The following FAM117A variants were observed in gnomAD, a reference collection of about 807,000 sequenced individuals.
The protein encoded by FAM117A is protein FAM117A.
A neutral mutation model predicts 44.1 loss-of-function variants in FAM117A; 21 were observed. The ratio of observed to expected loss-of-function variants is 0.48; its 90% confidence interval spans 0.34 to 0.69. FAM117A has a LOEUF of 0.69. Among genes scored for constraint, FAM117A ranks in the 30% least tolerant of loss-of-function variants. The pLI is 0.01. For missense variants in FAM117A, 498 were observed against 589.9 expected (o/e 0.84, Z 1.61); for synonymous variants, 220 against 238.3 (o/e 0.92, Z 0.71).
intron 1 of FAM117A, among the ~76,000 whole-genome samples, chr17:49,778,347 C>G (rs970814400): frequency 1.3e-5 from 2 of 152,188 alleles, no homozygotes; most frequent in Non-Finnish European, 2.9e-5. Flanking sequence ...CACATGGTCC[C>G]TCCTCTGGAG....
At chr17:49,752,665 G>C (rs572969634) in intron 1 of FAM117A, among the ~76,000 whole-genome samples, 3 of 152,192 alleles carry the variant, frequency 2.0e-5, no homozygotes, top group African/African-American at 7.2e-5. Flanking sequence ...TCCCTGGTTA[G>C]CCACTCATTC....
upstream of FAM117A, among the ~76,000 whole-genome samples, chr17:49,767,910 AT>A (rs980556599): frequency 2.6e-4 from 39 of 150,358 alleles, no homozygotes; most frequent in Admixed American, 1.3e-3. Flanking sequence ...AAAAATAATA[AT>A]AAAAAAAAAA....
intron 7 of FAM117A, 28 bp downstream of exon 7, chr17:49,716,137 C>T (rs756152412): frequency 1.3e-6 from 2 of 1,591,100 alleles, no homozygotes; most frequent in African/African-American, 1.3e-5. Context: ...CCCTCCCCTC[C>T]CACACCCTGT....
At chr17:49,742,016 C>G (rs1382417336) in intron 1 of FAM117A, among the ~76,000 whole-genome samples, 5 of 152,180 alleles carry the variant, frequency 3.3e-5, no homozygotes. Flanking sequence ...CTTTAAACAA[C>G]ACTTCTTTCA....
chr17:49,731,053 A>C (rs1211027073), intron 2 of FAM117A, among the ~76,000 whole-genome samples: 1 of 152,230 alleles, frequency 6.6e-6, no homozygotes, highest in Non-Finnish European at 1.5e-5. Flanking sequence ...CAAGAACAGT[A>C]CTGGGCATTC....
At chr17:49,741,078 C>G (rs2073632376) in intron 1 of FAM117A, among the ~76,000 whole-genome samples, 1 of 152,030 alleles carries the variant, frequency 6.6e-6, no homozygotes, top group Non-Finnish European at 1.5e-5. Context: ...AAAGACAGGG[C>G]TACTCTCCAC....
At chr17:49,762,957 A>G (rs1272902727) in intron 1 of FAM117A, among the ~76,000 whole-genome samples, 1 of 152,178 alleles carries the variant, frequency 6.6e-6, no homozygotes, top group African/African-American at 2.4e-5. Flanking sequence ...AACCCATTTC[A>G]GTGCTGTTCA....
At chr17:49,740,948 A>C (rs2073631882) in intron 1 of FAM117A, among the ~76,000 whole-genome samples, 1 of 152,132 alleles carries the variant, frequency 6.6e-6, no homozygotes, top group East Asian at 1.9e-4. Flanking sequence ...TGTGGGGTAG[A>C]GGCTTAGCAC....
intron 1 of FAM117A, among the ~76,000 whole-genome samples, chr17:49,774,462 C>T (rs1245385586): frequency 6.6e-6 from 1 of 151,146 alleles, no homozygotes; most frequent in South Asian, 2.1e-4. Flanking sequence ...TGGGTTCAAG[C>T]GATTCTCCTG....
intron 1 of FAM117A, among the ~76,000 whole-genome samples, chr17:49,777,659 T>C (rs935520401): frequency 2.2e-4 from 34 of 152,140 alleles, no homozygotes; most frequent in Admixed American, 2.2e-3. Context: ...TCCCTTCTTA[T>C]GGGGCCAGGG....
rs138561290 is a variant in FAM117A, at chr17:49,722,424, G to A, written c.462+75C>T. ...GTGAGCAGTGTGACGCCACCATGGA[G>A]CAGATGCATTGCATGGTACTAGGGG... On this transcript the variant is annotated intron_variant, in intron 3 of 7. Coordinates refer to ENST00000240364, the MANE Select transcript of FAM117A (RefSeq NM_030802.4). 8.2e-5 allele frequency: 97 copies of A among 1,181,344 alleles called. No individual in the cohort carries two copies. In the African/African-American group the frequency reaches 1.3e-3, roughly 15 times the overall value. The allele number at this position is 1,181,344 out of a possible 1,614,324, so 73.2% of individuals were successfully genotyped here.
intron 1 of FAM117A, among the ~76,000 whole-genome samples, chr17:49,785,409 G>A (rs1003768694): frequency 1.3e-5 from 2 of 152,210 alleles, no homozygotes; most frequent in African/African-American, 4.8e-5. Context: ...CTACTCGGGA[G>A]GCTGACGTGG....
rs760614510 is a variant in FAM117A at position 49,722,609 on chromosome 17, A to G, written c.367-15T>C. 1.6e-5 allele frequency: 26 copies of G among 1,604,482 alleles called. No homozygotes were observed. Among genetic ancestry groups the G allele is most frequent in the Admixed American group, 8.4e-5 (5 of 59,746 alleles). ...GACAGGGGCGTCTGCAGGGAGAGAAACACAGTGAGACACAGCAGCTTCTTT... is the reference window on the plus strand; with the variant it reads ...GACAGGGGCGTCTGCAGGGAGAGAAGCACAGTGAGACACAGCAGCTTCTTT... On this transcript the variant is annotated splice_polypyrimidine_tract_variant and intron_variant, in intron 2 of 7. Coordinates refer to ENST00000240364, the MANE Select transcript of FAM117A (RefSeq NM_030802.4).
chr17:49,717,921 C>T, intron 5 of FAM117A: 1 of 492,640 alleles, frequency 2.0e-6, no homozygotes, highest in South Asian at 3.3e-5. Context: ...GCACTTTGCT[C>T]TTATCCCTAA....
chr17:49,719,503 C>CG (rs747933401), intron 5 of FAM117A: 91 of 347,808 alleles, frequency 2.6e-4, no homozygotes, highest in Middle Eastern at 1.5e-3. Context: ...TTCCTCCCAG[C>CG]GGGGGGGCCT....
intron 1 of FAM117A, among the ~76,000 whole-genome samples, chr17:49,751,740 G>A (rs1049228777): frequency 1.3e-5 from 2 of 150,370 alleles, no homozygotes; most frequent in African/African-American, 2.5e-5. Context: ...TCAGGAGTTT[G>A]AGACCAGCCT....
chr17:49,759,793 A>C (rs968781357), intron 1 of FAM117A, among the ~76,000 whole-genome samples: 1 of 152,260 alleles, frequency 6.6e-6, no homozygotes, highest in Admixed American at 6.5e-5. Flanking sequence ...CGTATTCACG[A>C]AACAGCCATC....
At chr17:49,785,890 G>A (rs1158301030) in intron 1 of FAM117A, among the ~76,000 whole-genome samples, 1 of 152,204 alleles carries the variant, frequency 6.6e-6, no homozygotes, top group Non-Finnish European at 1.5e-5. Context: ...GAGAACTGTC[G>A]AGAGTGTCAA....
At chr17:49,721,308 A>T (rs2073533101) in intron 3 of FAM117A, among the ~76,000 whole-genome samples, 1 of 152,194 alleles carries the variant, frequency 6.6e-6, no homozygotes, top group Non-Finnish European at 1.5e-5. Context: ...TCAGGGGATG[A>T]AGAGCTATTT....
Sources: allele counts gnomAD v4.1 joint callset (sites outside exome capture counted in the v4.1 genomes callset), GRCh38; gene constraint gnomAD v4.1.1; transcripts MANE v1.5; gene names NCBI Gene and HGNC (gene_info 2026-07-23, HGNC 2026-07-21).